COBL: variants seen among roughly 807,000 people sequenced by gnomAD.
COBL encodes cordon-bleu WH2 repeat protein.
In COBL, 51 loss-of-function variants were observed where a neutral mutation model predicts 98.8. The observed-to-expected ratio is 0.52, with a 90% CI of 0.41 to 0.65. The LOEUF is 0.65. COBL is among the 30% of genes least tolerant of loss of function. The pLI is 0.00. For synonymous variants in COBL, 634 were observed against 651.7 expected, an observed-to-expected ratio of 0.97 and a Z score of 0.41; for missense variants, 1,617 against 1,617.5, an observed-to-expected ratio of 1.00 and a Z score of 0.01.
intron 6 of COBL, among the ~76,000 whole-genome samples, chr7:51,101,874 T>C (rs1013148862): frequency 3.9e-5 from 6 of 152,186 alleles, no homozygotes; most frequent in Admixed American, 2.6e-4. Context: ...TGAATGTGTG[T>C]GTTCCCCCAA....
chr7:51,099,207 G>A (rs1454616766), intron 6 of COBL, among the ~76,000 whole-genome samples: 1 of 151,874 alleles, frequency 6.6e-6, no homozygotes, highest in African/African-American at 2.4e-5. Flanking sequence ...TAAGTATAAA[G>A]TACCTCAAAA....
chr7:51,306,413 GGTCTGGGTTCT>G (rs1027562755), intron 1 of COBL, among the ~76,000 whole-genome samples: 33 of 152,232 alleles, frequency 2.2e-4, no homozygotes, highest in Non-Finnish European at 4.6e-4. Flanking sequence ...CGAATTTGTG[GGTCTGGGTTCT>G]GTGTAGCTTC....
chr7:51,283,258 A>G (rs1799965776), intron 1 of COBL, among the ~76,000 whole-genome samples: 1 of 152,136 alleles, frequency 6.6e-6, no homozygotes, highest in South Asian at 2.1e-4. Context: ...AAGAAGAGAG[A>G]AGACACTAAT....
chr7:51,228,311 G>A (rs908612263), intron 1 of COBL, among the ~76,000 whole-genome samples: 1 of 151,816 alleles, frequency 6.6e-6, no homozygotes, highest in Admixed American at 6.6e-5. Flanking sequence ...TAAAGTTTCT[G>A]GTATGGCACC....
At chr7:51,073,293 G>GGCAGAAGAGACACTGGGA (rs1396731669) in intron 7 of COBL, 46 of 670,414 alleles carry the variant, frequency 6.9e-5, no homozygotes, top group Non-Finnish European at 1.2e-4. Flanking sequence ...TCAGAGCCAG[G>GGCAGAAGAGACACTGGGA]GCAGAAGAGA....
intron 1 of COBL, among the ~76,000 whole-genome samples, chr7:51,311,047 G>A (rs1178194892): frequency 6.6e-6 from 1 of 152,106 alleles, no homozygotes; most frequent in African/African-American, 2.4e-5. Context: ...TTGGTGTGGT[G>A]CAGGTGGGAA....
intron 6 of COBL, among the ~76,000 whole-genome samples, chr7:51,107,265 T>C (rs573644998): frequency 6.5e-4 from 99 of 152,078 alleles, no homozygotes; most frequent in Non-Finnish European, 1.1e-3. Context: ...CAGCTAATAT[T>C]TGTATTTTTA....
At position 51,239,920 on chromosome 7, in the gene COBL, T is replaced by C. The variant is rs138790452; in HGVS notation, c.42-19976A>G. On this transcript the variant is annotated intron_variant, in intron 1 of 12. Coordinates refer to ENST00000265136, the MANE Select transcript of COBL (RefSeq NM_015198.5). ...ATTTTAGGCTTTGTGGGCCATATGA[T>C]CTCTGTCACAGCTACTCAGCTTAGC... Among the ~76,000 whole-genome samples, 289 of 152,308 alleles carry C rather than the reference T, an allele frequency of 1.9e-3. 2 individuals are homozygous for C. The highest frequency in any genetic ancestry group is 0.016 in the Admixed American group (248 of 15,302).
intron 6 of COBL, among the ~76,000 whole-genome samples, chr7:51,135,705 A>G (rs1031507194): frequency 1.3e-5 from 2 of 152,242 alleles, no homozygotes; most frequent in Non-Finnish European, 2.9e-5. Flanking sequence ...GCTAGGCCAC[A>G]TGACACATGC....
At chr7:51,181,909 C>T (rs1018888770) in intron 5 of COBL, among the ~76,000 whole-genome samples, 2 of 152,230 alleles carry the variant, frequency 1.3e-5, no homozygotes, top group African/African-American at 2.4e-5. Context: ...ACTGCGCCTT[C>T]ACTGCTGTGT....
chr7:51,254,624 ACTCTT>A (rs898673438), intron 1 of COBL, among the ~76,000 whole-genome samples: 2 of 151,908 alleles, frequency 1.3e-5, no homozygotes, highest in African/African-American at 2.4e-5. Flanking sequence ...CCTCTCCACC[ACTCTT>A]CTCAATCAGA....
Position 51,065,213 on chromosome 7 carries a change from C to T in COBL, c.1096+19953G>A, listed in dbSNP as rs146781521. ...ACACAAGATGGGTTGTGTGTGTGTGCGTGTGTGTGTCTAAGTGTGCACATG... is the reference window on the plus strand; with the variant it reads ...ACACAAGATGGGTTGTGTGTGTGTGTGTGTGTGTGTCTAAGTGTGCACATG... On this transcript the variant is annotated intron_variant, in intron 7 of 12. Coordinates refer to ENST00000265136, the MANE Select transcript of COBL (RefSeq NM_015198.5). The T allele has an allele frequency of 6.4e-4, 451 of 703,062 alleles. 1 individual carries two copies. The highest frequency in any genetic ancestry group is 4.6e-3 in the South Asian group (311 of 67,558). 43.6% of individuals were successfully genotyped at this position (703,062 alleles called of 1,614,324 possible). A position where few individuals can be genotyped will look rare whatever the true frequency, so the allele number is the denominator to read the frequency against.
intron 1 of COBL, among the ~76,000 whole-genome samples, chr7:51,283,095 T>C (rs1799951945): frequency 6.6e-6 from 1 of 152,174 alleles, no homozygotes; most frequent in Non-Finnish European, 1.5e-5. Flanking sequence ...ACTAATCATT[T>C]AAACCTCCAT....
chr7:51,135,581 C>A (rs1799154732), intron 6 of COBL, among the ~76,000 whole-genome samples: 1 of 152,198 alleles, frequency 6.6e-6, no homozygotes, highest in South Asian at 2.1e-4. Flanking sequence ...GACCAAGCCT[C>A]ACATTCAGGA....
chr7:51,193,141 T>C (rs1790276383), intron 3 of COBL, among the ~76,000 whole-genome samples: 1 of 152,222 alleles, frequency 6.6e-6, no homozygotes, highest in African/African-American at 2.4e-5. Flanking sequence ...CCACTGTAGA[T>C]CAATTCCTCT....
intron 1 of COBL, among the ~76,000 whole-genome samples, chr7:51,276,556 C>G (rs1006059610): frequency 6.6e-6 from 1 of 152,184 alleles, no homozygotes; most frequent in Admixed American, 6.5e-5. Flanking sequence ...ATCGTTCAAA[C>G]CTTCCACAAG....
intron 5 of COBL, among the ~76,000 whole-genome samples, chr7:51,182,691 G>A (rs1386800371): frequency 6.6e-6 from 1 of 152,110 alleles, no homozygotes; most frequent in African/African-American, 2.4e-5. Flanking sequence ...TAGTTGGAGA[G>A]TGGGAGGGGA....
At chr7:51,098,045 A>T (rs1412857837) in intron 6 of COBL, among the ~76,000 whole-genome samples, 1 of 149,800 alleles carries the variant, frequency 6.7e-6, no homozygotes, top group Non-Finnish European at 1.5e-5. Flanking sequence ...AAAAAAAAGC[A>T]ATAAGCTTAA....
At chr7:51,141,859 C>G (rs1799783145) in intron 5 of COBL, among the ~76,000 whole-genome samples, 1 of 152,138 alleles carries the variant, frequency 6.6e-6, no homozygotes, top group Non-Finnish European at 1.5e-5. Flanking sequence ...GAGAATGCTG[C>G]TTCTCATCTG....
Sources: gnomAD v4.1 joint callset for allele counts (sites outside exome capture counted in the v4.1 genomes callset) on GRCh38, gnomAD v4.1.1 for gene constraint, MANE v1.5 for transcripts, NCBI Gene and HGNC (gene_info 2026-07-23, HGNC 2026-07-21) for gene names.